KAZN: variants seen among roughly 807,000 people sequenced by gnomAD.
KAZN encodes the protein kazrin.
A neutral mutation model predicts 87.4 loss-of-function variants in KAZN; 40 were observed. That is an observed-to-expected ratio of 0.46 (90% CI 0.36 to 0.60). The LOEUF is 0.60. Ranked by LOEUF, KAZN falls within the 20% of genes least tolerant of loss-of-function variation. The pLI is 0.00. For synonymous variants in KAZN, 466 were observed against 458.3 expected, an observed-to-expected ratio of 1.02 and a Z score of -0.22; for missense variants, 898 against 1,073.9, an observed-to-expected ratio of 0.84 and a Z score of 2.29.
At chr1:14,936,840 C>T (rs889759291) in intron 1 of KAZN, among the ~76,000 whole-genome samples, 3 of 152,228 alleles carry the variant, frequency 2.0e-5, no homozygotes, top group Admixed American at 6.5e-5. Flanking sequence ...ACATGGCGGG[C>T]ATCCAGCACC....
chr1:14,722,375 G>T (rs12045403), intron 1 of KAZN, among the ~76,000 whole-genome samples: 39,979 of 151,930 alleles, frequency 0.26, 5,546 homozygotes, highest in Middle Eastern at 0.43. Context: ...GCATTCTCAG[G>T]TCATTAAGTT....
chr1:14,433,927 A>G (rs1051265532), intron 2 of KAZN, among the ~76,000 whole-genome samples: 6 of 152,302 alleles, frequency 3.9e-5, no homozygotes, highest in Non-Finnish European at 7.3e-5. Context: ...TGCACCAGGG[A>G]ATGGCCACGT....
intron 2 of KAZN, among the ~76,000 whole-genome samples, chr1:14,273,565 A>G (rs1443708652): frequency 1.3e-5 from 2 of 152,246 alleles, no homozygotes; most frequent in Non-Finnish European, 2.9e-5. Context: ...TACAGTTTAT[A>G]TTCAAAGCTT....
intron 1 of KAZN, among the ~76,000 whole-genome samples, chr1:14,766,973 A>T (rs552757213): frequency 1.8e-4 from 27 of 152,218 alleles, no homozygotes; most frequent in Non-Finnish European, 2.8e-4. Flanking sequence ...GAGGGACCAA[A>T]TCAATGGTGG....
intron 2 of KAZN, among the ~76,000 whole-genome samples, chr1:14,444,902 C>G (rs12401776): frequency 6.6e-6 from 1 of 152,092 alleles, no homozygotes; most frequent in Admixed American, 6.5e-5. Flanking sequence ...TTTGTTCCCC[C>G]CAAAATTCAC....
At chr1:14,957,603 A>C (rs1663288096) in intron 1 of KAZN, among the ~76,000 whole-genome samples, 1 of 152,212 alleles carries the variant, frequency 6.6e-6, no homozygotes, top group Non-Finnish European at 1.5e-5. Flanking sequence ...GACGCTGGAC[A>C]GGAGCGGAGC....
chr1:13,902,136 T>C (rs1184058413), intron 1 of KAZN, among the ~76,000 whole-genome samples: 1 of 152,252 alleles, frequency 6.6e-6, no homozygotes, highest in African/African-American at 2.4e-5. Flanking sequence ...GCAAGAGGGA[T>C]GTCTCTGGAT....
intron 1 of KAZN, among the ~76,000 whole-genome samples, chr1:14,005,173 A>C (rs1347316090): frequency 6.6e-6 from 1 of 152,218 alleles, no homozygotes; most frequent in Non-Finnish European, 1.5e-5. Context: ...GGAAAATAAA[A>C]ATAATTACTG....
chr1:14,030,486 C>T (rs1013285294), intron 1 of KAZN, among the ~76,000 whole-genome samples: 8 of 151,514 alleles, frequency 5.3e-5, no homozygotes, highest in African/African-American at 7.3e-5. Context: ...TGCTAGATGA[C>T]GAGTTAGTGG....
At chr1:14,019,866 G>A (rs1640742258) in intron 1 of KAZN, among the ~76,000 whole-genome samples, 1 of 152,124 alleles carries the variant, frequency 6.6e-6, no homozygotes, top group African/African-American at 2.4e-5. Flanking sequence ...TTCCATGGAT[G>A]GCTGTCGGGG....
chr1:14,704,031 C>T (rs753946046), intron 1 of KAZN, among the ~76,000 whole-genome samples: 1 of 152,222 alleles, frequency 6.6e-6, no homozygotes, highest in Admixed American at 6.5e-5. Flanking sequence ...ACCCACCCAG[C>T]GTCAGCTCTT....
chr1:15,104,894 G>A (rs1411000874), intron 13 of KAZN, among the ~76,000 whole-genome samples: 1 of 152,168 alleles, frequency 6.6e-6, no homozygotes, highest in Admixed American at 6.5e-5. Context: ...ATGTGCCCAA[G>A]ATACACAGCT....
intron 10 of KAZN, among the ~76,000 whole-genome samples, chr1:15,101,292 C>T (rs777653745): frequency 6.6e-5 from 10 of 151,358 alleles, no homozygotes; most frequent in Non-Finnish European, 1.2e-4. Flanking sequence ...TTTCTGTGTC[C>T]CTTTCTCTCT....
intron 1 of KAZN, among the ~76,000 whole-genome samples, chr1:14,133,355 G>A (rs1645031480): frequency 1.8e-5 from 2 of 110,892 alleles, no homozygotes; most frequent in Non-Finnish European, 1.7e-5. Context: ...GACAGAGTGA[G>A]ACTCCCTCTC....
At chr1:14,891,196 C>T (rs114355911) in intron 1 of KAZN, among the ~76,000 whole-genome samples, 5,921 of 152,036 alleles carry the variant, frequency 0.039, 178 homozygotes, top group Admixed American at 0.074. Context: ...GGGGAACGGG[C>T]GGTGTCTGGT....
At chr1:14,128,442 T>C (rs866226927) in intron 1 of KAZN, among the ~76,000 whole-genome samples, 1 of 152,134 alleles carries the variant, frequency 6.6e-6, no homozygotes, top group Non-Finnish European at 1.5e-5. Flanking sequence ...AGGCTGGAAG[T>C]CCAAGATCAA....
intron 2 of KAZN, among the ~76,000 whole-genome samples, chr1:14,354,474 AAAC>A (rs1244544232): frequency 7.2e-5 from 11 of 152,300 alleles, no homozygotes; most frequent in African/African-American, 2.2e-4. Context: ...AATAAAAAGA[AAAC>A]AACCCAGTAC....
chr1:14,257,000 T>C (rs1388135416), intron 2 of KAZN, among the ~76,000 whole-genome samples: 3 of 150,712 alleles, frequency 2.0e-5, no homozygotes. Context: ...CATGTTTGAC[T>C]GACTGATCCT....
intron 2 of KAZN, among the ~76,000 whole-genome samples, chr1:14,552,832 G>A (rs1673625221): frequency 2.0e-5 from 3 of 152,176 alleles, no homozygotes; most frequent in African/African-American, 7.2e-5. Context: ...CTCACCAGGG[G>A]TCATTAATTC....
Sources: allele counts gnomAD v4.1 joint callset (sites outside exome capture counted in the v4.1 genomes callset), GRCh38; gene constraint gnomAD v4.1.1; transcripts MANE v1.5; gene names NCBI Gene and HGNC (gene_info 2026-07-23, HGNC 2026-07-21).